Variants in DCBLD1 observed in about 807,000 individuals in gnomAD.
The protein encoded by DCBLD1 is discoidin, CUB and LCCL domain-containing protein 1.
DCBLD1 carries 57 observed loss-of-function variants against 71.5 expected under a neutral mutation model. The observed-to-expected ratio is 0.80, with a 90% CI of 0.64 to 0.99. DCBLD1 has a LOEUF of 0.99. Ranked by LOEUF, DCBLD1 falls within the 50% of genes least tolerant of loss-of-function variation. DCBLD1 has a pLI of 0.00. For missense variants in DCBLD1, 891 were observed against 923.5 expected, an observed-to-expected ratio of 0.96 and a Z score of 0.46; for synonymous variants, 380 against 363.8, an observed-to-expected ratio of 1.04 and a Z score of -0.51.
chr6:117,490,711 T>TTGATATG (rs1562427131), intron 1 of DCBLD1, among the ~76,000 whole-genome samples: 1 of 151,084 alleles, frequency 6.6e-6, no homozygotes, highest in African/African-American at 2.5e-5. Flanking sequence ...TTAGTTTTTA[T>TTGATATG]AGTCAGCATC....
intron 2 of DCBLD1, among the ~76,000 whole-genome samples, chr6:117,509,721 G>A (rs1777954806): frequency 6.6e-6 from 1 of 152,006 alleles, no homozygotes; most frequent in Non-Finnish European, 1.5e-5. Flanking sequence ...AGCACTCTCT[G>A]TTCACCAGGC....
chr6:117,564,026 G>A (rs1418393276), intron 14 of DCBLD1, among the ~76,000 whole-genome samples: 1 of 149,386 alleles, frequency 6.7e-6, no homozygotes, highest in African/African-American at 2.5e-5. Context: ...TGCCCAGGCT[G>A]GATTGCAGTG....
chr6:117,539,359 A>G lies in DCBLD1; in HGVS notation c.1081A>G (p.Ile361Val), dbSNP rs762396661. 2.5e-6 allele frequency: 4 copies of G among 1,603,634 alleles called. No homozygotes were observed. The highest frequency in any genetic ancestry group is 3.4e-6 in the Non-Finnish European group (4 of 1,177,794). The change falls in exon 9 of 15, where the codon ATT becomes GTT. Residue 361 changes from isoleucine to valine, a missense_variant. Ile to Val is a conservative substitution (Grantham distance 29). Coordinates refer to ENST00000338728, the MANE Select transcript of DCBLD1 (RefSeq NM_001366458.2). ...TTCTAAGTGGAAGACCTATAAAGGA[A>G]TTGTGAATAATGAAGAAAAGGTAAG... ...NNSKWKTYKG[I>V]VNNEEKVFQG...
rs764138040 is a variant in DCBLD1, at chr6:117,548,253, G to A, written c.1962G>A (p.Arg654=). ...GCGCCCAGGACGGAGACTATCAAAGGCCACACAGCGCACAGCCTGCGGACA... is the reference window on the plus strand; with the variant it reads ...GCGCCCAGGACGGAGACTATCAAAGACCACACAGCGCACAGCCTGCGGACA... The part of the protein sequence containing the change: ...GVGAQDGDYQ[R]PHSAQPADRG... The change falls in exon 15 of 15, where the codon AGG becomes AGA. Residue 654 remains arginine, a synonymous_variant. Transcript: ENST00000338728. 19 of 1,550,510 alleles carry A rather than the reference G, an allele frequency of 1.2e-5. No homozygotes were observed. Among genetic ancestry groups the A allele is most frequent in the Middle Eastern group, 1.7e-4 (1 of 6,014 alleles).
At chr6:117,515,280 C>CT (rs200980533) in intron 2 of DCBLD1, among the ~76,000 whole-genome samples, 3,944 of 152,264 alleles carry the variant, frequency 0.026, 76 homozygotes, top group East Asian at 0.051. Flanking sequence ...CCTTGGCCTC[C>CT]CACAGTGCTG....
chr6:117,503,492 A>C (rs753212304), intron 1 of DCBLD1: 2 of 411,584 alleles, frequency 4.9e-6, no homozygotes, highest in Non-Finnish European at 8.7e-6. Flanking sequence ...ATGATTAGAA[A>C]AAATAATGAT....
At chr6:117,556,987 TC>T (rs1417049963) in intron 14 of DCBLD1, among the ~76,000 whole-genome samples, 2 of 152,098 alleles carry the variant, frequency 1.3e-5, no homozygotes, top group Non-Finnish European at 2.9e-5. Flanking sequence ...ACTTTTTTTT[TC>T]ATGTTTATCA....
Position 117,540,779 on chromosome 6 carries a change from T to G in DCBLD1, c.1213T>G (p.Leu405Val). Residue 405 changes from leucine (L) to valine (V), a missense_variant, in exon 10 of 15, where the codon TTG becomes GTG. Coordinates refer to ENST00000338728, the MANE Select transcript of DCBLD1 (RefSeq NM_001366458.2). ...CCAGACATGGCACCAGAGGATAGCC[T>G]TGAAGGTGGAGCTCATTGGTTGCCA... ...VPQTWHQRIALKVELIGCQIT... is the reference protein window; with the variant it reads ...VPQTWHQRIAVKVELIGCQIT... 6.2e-7 allele frequency: 1 copy of G among 1,614,210 alleles called. No homozygotes were observed. Among genetic ancestry groups the G allele is most frequent in the Non-Finnish European group, 8.5e-7 (1 of 1,180,042 alleles).
intron 2 of DCBLD1, among the ~76,000 whole-genome samples, chr6:117,519,008 A>ATAGG (rs1286942173): frequency 3.3e-5 from 5 of 152,202 alleles, no homozygotes; most frequent in Non-Finnish European, 7.3e-5. Flanking sequence ...TTAATAAATA[A>ATAGG]TACCTCTCTT....
chr6:117,489,461 G>T (rs911542288), intron 1 of DCBLD1, among the ~76,000 whole-genome samples: 1 of 152,124 alleles, frequency 6.6e-6, no homozygotes, highest in Non-Finnish European at 1.5e-5. Context: ...ATAATTTTAG[G>T]CTAGGTAGAT....
chr6:117,490,242 C>G (rs1777245297), intron 1 of DCBLD1, among the ~76,000 whole-genome samples: 2 of 152,074 alleles, frequency 1.3e-5, no homozygotes, highest in Admixed American at 1.3e-4. Context: ...AAAACTAATA[C>G]CTGGGTTCCC....
downstream of DCBLD1, among the ~76,000 whole-genome samples, chr6:117,550,829 C>T (rs558293887): frequency 2.1e-4 from 32 of 152,182 alleles, no homozygotes; most frequent in Admixed American, 5.2e-4. Flanking sequence ...ATGCACGTAC[C>T]AAATAGTTAT....
intron 3 of DCBLD1, 23 bp downstream of exon 3, chr6:117,519,973 A>G (rs371016810): frequency 6.2e-6 from 10 of 1,611,178 alleles, no homozygotes; most frequent in Non-Finnish European, 8.5e-6. Context: ...AATCAACACA[A>G]ATCTCTAAAT....
chr6:117,499,802 GCTAC>G (rs750879271), intron 1 of DCBLD1, among the ~76,000 whole-genome samples: 2 of 152,170 alleles, frequency 1.3e-5, no homozygotes, highest in Non-Finnish European at 2.9e-5. Context: ...TGAGAGGTAG[GCTAC>G]CTGAGTGTCA....
At chr6:117,563,537 T>C (rs1005676919) in intron 14 of DCBLD1, among the ~76,000 whole-genome samples, 2 of 151,830 alleles carry the variant, frequency 1.3e-5, no homozygotes, top group African/African-American at 4.8e-5. Context: ...GCCTGGACAA[T>C]GTGGTGAAAC....
At chr6:117,566,832 T>TA (rs1404233184) in intron 14 of DCBLD1, 1 of 1,460,120 alleles carries the variant, frequency 6.8e-7, no homozygotes, top group South Asian at 1.4e-5. Flanking sequence ...ATGTTAATAA[T>TA]AATTTTTAGA....
chr6:117,515,906 G>A (rs1052821714), intron 2 of DCBLD1, among the ~76,000 whole-genome samples: 4 of 152,168 alleles, frequency 2.6e-5, no homozygotes, highest in South Asian at 2.1e-4. Flanking sequence ...CAGGTACTAT[G>A]CAGTCTGTTG....
chr6:117,532,942 C>T (rs188792811), intron 6 of DCBLD1, among the ~76,000 whole-genome samples: 56 of 152,280 alleles, frequency 3.7e-4, no homozygotes, highest in African/African-American at 1.3e-3. Context: ...GTGTTAAGTG[C>T]TTTAAATGGT....
At position 117,544,524 on chromosome 6, in the gene DCBLD1, A is replaced by G. The variant is rs771049437; in HGVS notation, c.1446-4A>G. ...ATATTCAGTAGGACTTTTTGTCTTG[A>G]TAGGAAGAAGAAGAAAGGAAGTCCG... On this transcript the variant is annotated splice_region_variant and splice_polypyrimidine_tract_variant and intron_variant, in intron 12 of 14. Coordinates refer to ENST00000338728, the MANE Select transcript of DCBLD1 (RefSeq NM_001366458.2). The G allele has an allele frequency of 2.5e-6, 4 of 1,613,462 alleles. No homozygotes were observed. In the South Asian group the frequency reaches 3.3e-5, roughly 13 times the overall value.
Sources: allele counts gnomAD v4.1 joint callset (sites outside exome capture counted in the v4.1 genomes callset), GRCh38; gene constraint gnomAD v4.1.1; transcripts MANE v1.5; gene names NCBI Gene and HGNC (gene_info 2026-07-23, HGNC 2026-07-21).